Variants in CCDC30 observed in about 807,000 individuals in gnomAD.
CCDC30 encodes the protein coiled-coil domain-containing protein 30.
A neutral mutation model predicts 100.2 loss-of-function variants in CCDC30; 70 were observed. The observed-to-expected ratio is 0.70, with a 90% CI of 0.58 to 0.85. CCDC30 has a LOEUF of 0.85. Ranked by LOEUF, CCDC30 falls within the 40% of genes least tolerant of loss-of-function variation. The pLI, the probability that CCDC30 is intolerant of heterozygous loss-of-function variation, is 0.00. For missense variants in CCDC30, 652 were observed against 771.2 expected, an observed-to-expected ratio of 0.85 and a Z score of 1.83; for synonymous variants, 233 against 269.5, an observed-to-expected ratio of 0.86 and a Z score of 1.33.
At chr1:42,539,560 G>T (rs368764065) in intron 6 of CCDC30, among the ~76,000 whole-genome samples, 1 of 152,058 alleles carries the variant, frequency 6.6e-6, no homozygotes, top group South Asian at 2.1e-4. Flanking sequence ...CTTTAAATCA[G>T]CTTCCCACCA....
intron 11 of CCDC30, among the ~76,000 whole-genome samples, chr1:42,616,798 T>C (rs1182760677): frequency 6.6e-6 from 1 of 152,244 alleles, no homozygotes. Context: ...AGGGAAGCTC[T>C]AAGTTCTCAC....
At chr1:42,577,318 T>C in intron 8 of CCDC30, 89 bp downstream of exon 12, 1 of 844,580 alleles carries the variant, frequency 1.2e-6, no homozygotes, top group Non-Finnish European at 1.8e-6. Context: ...ATAAATATGA[T>C]GCAGACTTGA....
chr1:42,656,657 TAATAA>T (rs561098644), downstream of CCDC30, among the ~76,000 whole-genome samples: 24 of 152,058 alleles, frequency 1.6e-4, no homozygotes, highest in Admixed American at 5.2e-4. Flanking sequence ...AATACATAAA[TAATAA>T]AATAAATAAA....
intron 1 of CCDC30, among the ~76,000 whole-genome samples, chr1:42,466,988 A>C (rs1643610274): frequency 6.6e-6 from 1 of 152,206 alleles, no homozygotes; most frequent in Non-Finnish European, 1.5e-5. Flanking sequence ...GGTCTCAATA[A>C]ATCCACTGGG....
chr1:42,512,789 G>C (rs1053913230), intron 6 of CCDC30, among the ~76,000 whole-genome samples: 1 of 152,120 alleles, frequency 6.6e-6, no homozygotes, highest in African/African-American at 2.4e-5. Flanking sequence ...GCGGTGGCTA[G>C]GCCCAACATG....
chr1:42,634,351 A>T (rs1647106402), intron 11 of CCDC30, among the ~76,000 whole-genome samples: 1 of 151,584 alleles, frequency 6.6e-6, no homozygotes, highest in Non-Finnish European at 1.5e-5. Context: ...CAACTGTAGG[A>T]GGTGCTACTG....
At chr1:42,589,053 A>C (rs1646132049) in intron 9 of CCDC30, among the ~76,000 whole-genome samples, 1 of 152,176 alleles carries the variant, frequency 6.6e-6, no homozygotes, top group African/African-American at 2.4e-5. Context: ...ACTTTGTCTT[A>C]ACTGTTCTCT....
intron 6 of CCDC30, among the ~76,000 whole-genome samples, chr1:42,504,304 T>C (rs1439370235): frequency 1.3e-5 from 2 of 152,238 alleles, no homozygotes; most frequent in Non-Finnish European, 2.9e-5. Context: ...GATGAACATG[T>C]CACAGTGCAG....
At chr1:42,473,165 A>T in intron 1 of CCDC30, 1 of 1,230,788 alleles carries the variant, frequency 8.1e-7, no homozygotes, top group Non-Finnish European at 1.0e-6. Flanking sequence ...CTTGAAAAAG[A>T]AGAAATCAAT....
chr1:42,469,117 G>A (rs1643682826), intron 1 of CCDC30, among the ~76,000 whole-genome samples: 2 of 152,082 alleles, frequency 1.3e-5, no homozygotes, highest in Non-Finnish European at 2.9e-5. Flanking sequence ...AGTGGCTCAC[G>A]CCTGTAATCC....
At chr1:42,611,937 G>A (rs1370166035) in intron 11 of CCDC30, among the ~76,000 whole-genome samples, 1 of 152,128 alleles carries the variant, frequency 6.6e-6, no homozygotes, top group Non-Finnish European at 1.5e-5. Flanking sequence ...TTATAGGCAG[G>A]CATAAGCCAC....
chr1:42,581,776 T>C (rs1391059484), intron 9 of CCDC30, among the ~76,000 whole-genome samples: 2 of 152,194 alleles, frequency 1.3e-5, no homozygotes, highest in African/African-American at 2.4e-5. Flanking sequence ...CACCTAGTGG[T>C]AACAGTAAAT....
At chr1:42,516,854 T>C (rs1644562658) in intron 6 of CCDC30, among the ~76,000 whole-genome samples, 1 of 152,198 alleles carries the variant, frequency 6.6e-6, no homozygotes, top group Admixed American at 6.5e-5. Context: ...GATTTGCATT[T>C]CCCTAGTGAT....
At chr1:42,534,123 G>A (rs1644853548) in intron 6 of CCDC30, among the ~76,000 whole-genome samples, 1 of 151,910 alleles carries the variant, frequency 6.6e-6, no homozygotes, top group Middle Eastern at 3.4e-3. Flanking sequence ...ACGTATTATG[G>A]TAAATTTTAA....
intron 3 of CCDC30, among the ~76,000 whole-genome samples, chr1:42,483,161 G>C (rs1037361946): frequency 6.6e-6 from 1 of 152,130 alleles, no homozygotes; most frequent in Non-Finnish European, 1.5e-5. Context: ...ACTATATGCA[G>C]TATGCCTTCT....
At chr1:42,604,112 G>A (rs544270625) in intron 10 of CCDC30, among the ~76,000 whole-genome samples, 6 of 152,116 alleles carry the variant, frequency 3.9e-5, no homozygotes, top group African/African-American at 1.4e-4. Flanking sequence ...TACTTGGGAG[G>A]CTGAGGTGGG....
In CCDC30 at chr1:42,522,281, C is replaced by T. The variant is rs1196707862; in HGVS notation, c.456+23365C>T. On this transcript the variant is annotated intron_variant, in intron 6 of 16. Transcript: ENST00000668663. ...ATGCAGAGAGCCAACTGTAGTTGGA[C>T]TTTTTTAATCCAATTTGCCAATCTC... Among the ~76,000 whole-genome samples the T allele has an allele frequency of 2.0e-5, 3 of 151,890 alleles. 1 individual carries two copies. In the South Asian group the frequency reaches 6.2e-4, roughly 32 times the overall value.
chr1:42,513,291 A>C (rs1202064006), intron 6 of CCDC30, among the ~76,000 whole-genome samples: 3 of 152,174 alleles, frequency 2.0e-5, no homozygotes, highest in African/African-American at 7.2e-5. Flanking sequence ...ACTGCAGCAG[A>C]TTTTATAGGC....
intron 6 of CCDC30, among the ~76,000 whole-genome samples, chr1:42,552,511 G>C (rs775230071): frequency 6.6e-6 from 1 of 152,000 alleles, no homozygotes; most frequent in South Asian, 2.1e-4. Flanking sequence ...TTCTTAATGT[G>C]ACAAATGAGA....
Sources: gnomAD v4.1 joint callset for allele counts (sites outside exome capture counted in the v4.1 genomes callset) on GRCh38, gnomAD v4.1.1 for gene constraint, MANE v1.5 for transcripts, NCBI Gene and HGNC (gene_info 2026-07-23, HGNC 2026-07-21) for gene names.